The following DPP6 variants were observed in gnomAD, a reference collection of about 807,000 sequenced individuals.
The protein encoded by DPP6 is dipeptidyl peptidase like 6, also known as A-type potassium channel modulatory protein DPP6.
DPP6 carries 69 observed loss-of-function variants against 122.6 expected under a neutral mutation model. That is an observed-to-expected ratio of 0.56 (90% confidence interval 0.46 to 0.69). DPP6 has a LOEUF of 0.69. DPP6 is among the 30% of genes least tolerant of loss of function. The pLI, the probability that DPP6 is intolerant of heterozygous loss-of-function variation, is 0.00. For synonymous variants in DPP6, 418 were observed against 433.1 expected, an observed-to-expected ratio of 0.97 and a Z score of 0.43; for missense variants, 928 against 1,116.9, an observed-to-expected ratio of 0.83 and a Z score of 2.41.
At chr7:154,853,863 A>G (rs1216158025) in intron 17 of DPP6, 36 bp downstream of exon 17, 1 of 1,611,252 alleles carries the variant, frequency 6.2e-7, no homozygotes, top group African/African-American at 1.3e-5. Flanking sequence ...TCTTCCTGAG[A>G]CTCAGGAGAA....
intron 20 of DPP6, among the ~76,000 whole-genome samples, chr7:154,879,683 C>T (rs1805210661): frequency 6.6e-6 from 1 of 151,962 alleles, no homozygotes; most frequent in African/African-American, 2.4e-5. Flanking sequence ...ACCTGGGAGG[C>T]AGAGGTTGCG....
At chr7:154,626,724 G>A (rs1403476784) in intron 5 of DPP6, among the ~76,000 whole-genome samples, 2 of 152,204 alleles carry the variant, frequency 1.3e-5, no homozygotes, top group Non-Finnish European at 1.5e-5. Flanking sequence ...AGGAGAGAAA[G>A]AGCTGAGATA....
At chr7:154,525,903 T>G (rs1827371443) in intron 3 of DPP6, among the ~76,000 whole-genome samples, 1 of 152,248 alleles carries the variant, frequency 6.6e-6, no homozygotes, top group Non-Finnish European at 1.5e-5. Context: ...ACCGTCTCTA[T>G]GTGTAGTATT....
intron 1 of DPP6, among the ~76,000 whole-genome samples, chr7:154,408,743 T>C (rs1386311421): frequency 6.6e-6 from 1 of 151,974 alleles, no homozygotes; most frequent in Non-Finnish European, 1.5e-5. Context: ...TCCTCTGGTC[T>C]ATGACAGTTT....
chr7:153,990,582 G>A (rs116593380), intron 1 of DPP6, among the ~76,000 whole-genome samples: 1,622 of 150,140 alleles, frequency 0.011, no homozygotes, highest in African/African-American at 0.038. Context: ...GGTGGCTTCC[G>A]AGAACAGGTC....
At chr7:154,720,359 G>C (rs892939332) in intron 7 of DPP6, among the ~76,000 whole-genome samples, 11 of 152,194 alleles carry the variant, frequency 7.2e-5, no homozygotes, top group African/African-American at 2.7e-4. Flanking sequence ...TCACTTACTA[G>C]TGGGGGCTGG....
At chr7:154,799,645 A>T (rs1373565401) in intron 12 of DPP6, among the ~76,000 whole-genome samples, 1 of 152,242 alleles carries the variant, frequency 6.6e-6, no homozygotes, top group Admixed American at 6.5e-5. Context: ...ACTGGCAAAA[A>T]TGCTACAAAT....
intron 3 of DPP6, among the ~76,000 whole-genome samples, chr7:154,506,333 G>T (rs1825661074): frequency 6.6e-6 from 1 of 151,986 alleles, no homozygotes; most frequent in Non-Finnish European, 1.5e-5. Context: ...TTTCAGTAAA[G>T]ATTTTTTAAG....
intron 5 of DPP6, among the ~76,000 whole-genome samples, chr7:154,575,983 C>T (rs1333604714): frequency 5.3e-5 from 8 of 151,994 alleles, no homozygotes; most frequent in African/African-American, 1.9e-4. Context: ...CAAAAAGAGG[C>T]TTTTGCACAC....
chr7:154,511,154 G>A (rs899693227), intron 3 of DPP6, among the ~76,000 whole-genome samples: 2 of 152,144 alleles, frequency 1.3e-5, no homozygotes, highest in African/African-American at 2.4e-5. Context: ...TGAGAACACC[G>A]AGCTGCTCAG....
intron 3 of DPP6, among the ~76,000 whole-genome samples, chr7:154,519,682 T>A (rs1448709458): frequency 6.6e-6 from 1 of 152,272 alleles, no homozygotes; most frequent in African/African-American, 2.4e-5. Flanking sequence ...GACACTGGCC[T>A]TCCTGCTGTT....
intron 1 of DPP6, among the ~76,000 whole-genome samples, chr7:154,061,629 C>A (rs1309517224): frequency 3.6e-5 from 5 of 137,600 alleles, no homozygotes; most frequent in Non-Finnish European, 8.0e-5. Context: ...GGGGGGGAGG[C>A]ACCCGCTGCG....
intron 1 of DPP6, among the ~76,000 whole-genome samples, chr7:154,089,237 C>T (rs907890223): frequency 1.1e-4 from 17 of 151,576 alleles, no homozygotes; most frequent in African/African-American, 2.9e-4. Flanking sequence ...GTGTTCAAAA[C>T]GTGGAATGCG....
chr7:154,182,477 C>T (rs972102424), intron 1 of DPP6, among the ~76,000 whole-genome samples: 3 of 152,154 alleles, frequency 2.0e-5, no homozygotes, highest in African/African-American at 7.2e-5. Context: ...CAAAGGGATG[C>T]TGCTTCCTTC....
At chr7:154,509,828 T>C (rs1174459512) in intron 3 of DPP6, among the ~76,000 whole-genome samples, 2 of 152,148 alleles carry the variant, frequency 1.3e-5, no homozygotes, top group Non-Finnish European at 2.9e-5. Flanking sequence ...TGTAAGACAG[T>C]CACAAATGAC....
intron 1 of DPP6, among the ~76,000 whole-genome samples, chr7:153,925,663 G>A (rs1469217326): frequency 6.6e-6 from 1 of 151,724 alleles, no homozygotes; most frequent in Non-Finnish European, 1.5e-5. Flanking sequence ...CCCACATGGT[G>A]GAGGGTCCCT....
At chr7:154,639,394 A>G (rs1835922801) in intron 6 of DPP6, among the ~76,000 whole-genome samples, 1 of 152,250 alleles carries the variant, frequency 6.6e-6, no homozygotes, top group Non-Finnish European at 1.5e-5. Flanking sequence ...TTTCCCAAGC[A>G]GATATATATC....
intron 7 of DPP6, among the ~76,000 whole-genome samples, chr7:154,717,376 A>G (rs1396269508): frequency 6.7e-6 from 1 of 150,188 alleles, no homozygotes; most frequent in Non-Finnish European, 1.5e-5. Context: ...ACCCACTTGC[A>G]CACAAACACA....
rs1348104386 is a variant in DPP6 at position 154,060,827 on chromosome 7, T to C, written c.243+7764T>C. Among the ~76,000 whole-genome samples the C allele has an allele frequency of 2.5e-5, 3 of 117,810 alleles. 1 individual carries two copies. The highest frequency in any genetic ancestry group is 5.0e-5 in the Non-Finnish European group (3 of 59,536). The allele number at this position is 117,810 out of a possible 152,430, so 77.3% of individuals were successfully genotyped here. On this transcript the variant is annotated intron_variant, in intron 1 of 25. Transcript: ENST00000377770. ...GACGCACCCCCCATGAGGCAGGGACTGAGAGCCAGCCCCTGTTCCCCCACT... is the reference window on the plus strand; with the variant it reads ...GACGCACCCCCCATGAGGCAGGGACCGAGAGCCAGCCCCTGTTCCCCCACT...
Sources: allele counts gnomAD v4.1 joint callset (sites outside exome capture counted in the v4.1 genomes callset), GRCh38; gene constraint gnomAD v4.1.1; transcripts MANE v1.5; gene names NCBI Gene and HGNC (gene_info 2026-07-23, HGNC 2026-07-21).